PCDH7: variants seen among roughly 807,000 people sequenced by gnomAD.
PCDH7 encodes the protein protocadherin-7.
PCDH7 carries 17 observed loss-of-function variants against 58.9 expected under a neutral mutation model. The observed-to-expected ratio is 0.29, with a 90% CI of 0.20 to 0.43. The LOEUF is 0.43. Ranked by LOEUF, PCDH7 falls within the 20% of genes least tolerant of loss-of-function variation. The pLI, the probability that PCDH7 is intolerant of heterozygous loss-of-function variation, is 1.00. For missense variants in PCDH7, 1,274 were observed against 1,441.0 expected, an observed-to-expected ratio of 0.88 and a Z score of 1.88; for synonymous variants, 664 against 616.4, an observed-to-expected ratio of 1.08 and a Z score of -1.14.
At chr4:30,792,928 A>G (rs1170449679) in intron 1 of PCDH7, among the ~76,000 whole-genome samples, 1 of 152,098 alleles carries the variant, frequency 6.6e-6, no homozygotes, top group African/African-American at 2.4e-5. Context: ...GTTAACTTTT[A>G]AAAAACCCTG....
At chr4:30,779,804 C>A (rs901517846) in intron 1 of PCDH7, among the ~76,000 whole-genome samples, 8 of 152,120 alleles carry the variant, frequency 5.3e-5, no homozygotes, top group African/African-American at 1.9e-4. Context: ...TGTGGGTGTT[C>A]AAGGCTCCCC....
intron 1 of PCDH7, among the ~76,000 whole-genome samples, chr4:30,894,624 G>A (rs992616179): frequency 3.7e-5 from 5 of 135,722 alleles, no homozygotes; most frequent in Admixed American, 1.5e-4. Context: ...TATGTTTTGA[G>A]TTTATAAATT....
intron 1 of PCDH7, among the ~76,000 whole-genome samples, chr4:30,916,848 A>T (rs1165716353): frequency 6.6e-6 from 1 of 151,160 alleles, no homozygotes; most frequent in African/African-American, 2.4e-5. Flanking sequence ...ATTTTTAAAA[A>T]CTCCCGATCT....
intron 1 of PCDH7, among the ~76,000 whole-genome samples, chr4:30,847,161 T>C (rs1316357627): frequency 6.6e-6 from 1 of 152,124 alleles, no homozygotes; most frequent in Non-Finnish European, 1.5e-5. Context: ...AATGCATTTT[T>C]TTAAAAAAGG....
chr4:30,947,511 G>T (rs73214950), intron 2 of PCDH7, among the ~76,000 whole-genome samples: 16,049 of 152,026 alleles, frequency 0.11, 946 homozygotes, highest in Non-Finnish European at 0.12. Context: ...TACATCAAAT[G>T]TATATTTCCT....
At chr4:30,726,686 G>T (rs1169455253) in intron 1 of PCDH7, among the ~76,000 whole-genome samples, 2 of 151,890 alleles carry the variant, frequency 1.3e-5, no homozygotes, top group East Asian at 3.9e-4. Context: ...AAGTGACTTT[G>T]GAAAACTTTT....
intron 3 of PCDH7, among the ~76,000 whole-genome samples, chr4:31,078,639 A>ATTT (rs10709152): frequency 0.043 from 3,132 of 73,548 alleles, 329 homozygotes; most frequent in East Asian, 0.32. Flanking sequence ...ACCATGCCCC[A>ATTT]TTTTTTTTTT....
chr4:30,851,133 G>A (rs2109346364), intron 1 of PCDH7, among the ~76,000 whole-genome samples: 1 of 151,790 alleles, frequency 6.6e-6, no homozygotes, highest in South Asian at 2.1e-4. Flanking sequence ...AAGCTGAGAG[G>A]CTCAGAAAGT....
At chr4:31,056,298 G>A (rs1757157813) in intron 3 of PCDH7, among the ~76,000 whole-genome samples, 1 of 151,536 alleles carries the variant, frequency 6.6e-6, no homozygotes, top group East Asian at 1.9e-4. Context: ...AGCCGAGGAG[G>A]TCGAAGCTGT....
chr4:30,721,928 A>C lies in PCDH7; in HGVS notation c.506A>C (p.Asp169Ala). Residue 169 changes from aspartate to alanine, a missense_variant, in exon 1 of 2, where the codon GAC becomes GCC. Coordinates refer to ENST00000361762, the Ensembl canonical transcript of PCDH7. The surrounding 1 kb of genome is among the most constrained non-coding windows in gnomAD (Gnocchi z 6.7). ...CTTTACCTGCTGCCCACAGCCACCG[A>C]CCGCGACTTCGGCCGCAACGGCATC... 1 of 1,568,460 alleles carries C rather than the reference A, an allele frequency of 6.4e-7. No homozygotes were observed. The highest frequency in any genetic ancestry group is 8.6e-7 in the Non-Finnish European group (1 of 1,162,080).
At chr4:30,860,072 C>G (rs1734004647) in intron 1 of PCDH7, among the ~76,000 whole-genome samples, 1 of 152,146 alleles carries the variant, frequency 6.6e-6, no homozygotes, top group African/African-American at 2.4e-5. Context: ...GTGTTCGATT[C>G]TTTTCAAACA....
rs4235018 is a variant in PCDH7, at chr4:31,010,813, T to A, written c.*7+60598T>A. 5.9e-4 allele frequency among the ~76,000 whole-genome samples: 89 copies of A among 151,884 alleles called. No homozygotes were observed. The East Asian group carries it at 0.013, about 22-fold the overall frequency. On this transcript the variant is annotated intron_variant, in intron 3 of 3. Coordinates refer to the PCDH7 transcript ENST00000509759. ...AATAAGAATAAGAAGAAAAAAGGTCTCAAAAATAATACAATGATTTTAAGC... is the reference window on the plus strand; with the variant it reads ...AATAAGAATAAGAAGAAAAAAGGTCACAAAAATAATACAATGATTTTAAGC...
intron 1 of PCDH7, among the ~76,000 whole-genome samples, chr4:30,804,187 CTAG>C (rs775958823): frequency 2.6e-5 from 4 of 152,044 alleles, no homozygotes; most frequent in African/African-American, 4.8e-5. Flanking sequence ...TTGGCATGAC[CTAG>C]TAGTAGAGAG....
chr4:30,727,472 A>T (rs1486333500), intron 1 of PCDH7, among the ~76,000 whole-genome samples: 1 of 151,936 alleles, frequency 6.6e-6, no homozygotes, highest in Non-Finnish European at 1.5e-5. Flanking sequence ...TGCTGGAATT[A>T]TTTCCGAAAT....
chr4:30,808,379 G>A (rs1232422451), intron 1 of PCDH7, among the ~76,000 whole-genome samples: 1 of 152,024 alleles, frequency 6.6e-6, no homozygotes. Flanking sequence ...CTTTTTCAGG[G>A]CATTCTGCTT....
chr4:31,038,919 C>A (rs956812668), intron 3 of PCDH7, among the ~76,000 whole-genome samples: 2 of 152,072 alleles, frequency 1.3e-5, no homozygotes, highest in Non-Finnish European at 1.5e-5. Flanking sequence ...TACTTTAAGT[C>A]GAAGACTCCT....
At chr4:31,023,506 A>G (rs1452882296) in intron 3 of PCDH7, among the ~76,000 whole-genome samples, 1 of 152,200 alleles carries the variant, frequency 6.6e-6, no homozygotes, top group East Asian at 1.9e-4. Flanking sequence ...TAAACCTAAA[A>G]TTACCTGAAG....
intron 1 of PCDH7, among the ~76,000 whole-genome samples, chr4:30,836,606 A>G (rs184086764): frequency 3.9e-5 from 6 of 152,320 alleles, no homozygotes; most frequent in Admixed American, 2.6e-4. Context: ...ATGAAAATTT[A>G]AATTTCTCTC....
chr4:30,807,589 A>C (rs1726396124), intron 1 of PCDH7, among the ~76,000 whole-genome samples: 1 of 152,228 alleles, frequency 6.6e-6, no homozygotes, highest in South Asian at 2.1e-4. Context: ...TTATGTTTGC[A>C]ATCTCTACTC....
Sources: gnomAD v4.1 joint callset for allele counts (sites outside exome capture counted in the v4.1 genomes callset) on GRCh38, gnomAD v4.1.1 for gene constraint, Gnocchi (gnomAD v3.1) non-coding constraint, MANE v1.5 for transcripts, NCBI Gene and HGNC (gene_info 2026-07-23, HGNC 2026-07-21) for gene names.